The following CAPN9 variants were observed in gnomAD, a reference collection of about 807,000 sequenced individuals.
CAPN9 encodes the protein calpain-9.
CAPN9 carries 81 observed loss-of-function variants against 92.8 expected under a neutral mutation model. The observed-to-expected ratio is 0.87, with a 90% CI of 0.73 to 1.05. The LOEUF (loss-of-function observed/expected upper bound fraction) is 1.05, where lower values mean the gene tolerates loss of function less well. Ranked by LOEUF, CAPN9 falls within the 50% of genes least tolerant of loss-of-function variation. The pLI, the probability that CAPN9 is intolerant of heterozygous loss-of-function variation, is 0.00. For synonymous variants in CAPN9, 304 were observed against 328.0 expected, an observed-to-expected ratio of 0.93 and a Z score of 0.79; for missense variants, 848 against 866.2, an observed-to-expected ratio of 0.98 and a Z score of 0.26.
chr1:230,795,186 CT>C lies in CAPN9; in HGVS notation c.1895del (p.Leu632ArgfsTer3), dbSNP rs1269551316. On this transcript the variant is annotated frameshift_variant, in exon 18 of 20. Coordinates refer to ENST00000271971, the MANE Select transcript of CAPN9 (RefSeq NM_006615.3). LOFTEE classifies it high-confidence loss of function. ...AGGCTTTCAGCTGAGCAGCCACCTC[CT>C]GCAGCTGATTGTGCTCAGGTATGCG... ...AAGFQLSSHL[L>X]QLIVLRYADE... 3 of 1,612,354 alleles carry C rather than the reference CT, an allele frequency of 1.9e-6. No homozygotes were observed. The highest frequency in any genetic ancestry group is 2.5e-6 in the Non-Finnish European group (3 of 1,178,846).
chr1:230,753,540 T>C (rs548856977), intron 1 of CAPN9, among the ~76,000 whole-genome samples: 1 of 152,260 alleles, frequency 6.6e-6, no homozygotes, highest in African/African-American at 2.4e-5. Flanking sequence ...GGACACAAGA[T>C]GAGAGGAGAA....
intron 3 of CAPN9, among the ~76,000 whole-genome samples, chr1:230,761,904 C>A (rs542707033): frequency 6.6e-6 from 1 of 152,210 alleles, no homozygotes; most frequent in African/African-American, 2.4e-5. Context: ...CAAACACACA[C>A]GTGTGTAGAA....
rs754477882 is a variant in CAPN9 at position 230,792,416 on chromosome 1, C to T, written c.1723-10C>T. On this transcript the variant is annotated splice_polypyrimidine_tract_variant and intron_variant, in intron 15 of 19. Transcript: ENST00000271971. ...CACTGCTCATGTCTCCCTTAACCCACATGGCACAGACCAGCGGCAATGGGA... is the reference window on the plus strand; with the variant it reads ...CACTGCTCATGTCTCCCTTAACCCATATGGCACAGACCAGCGGCAATGGGA... 1.2e-6 allele frequency: 2 copies of T among 1,613,286 alleles called. No individual in the cohort carries two copies. The highest frequency in any genetic ancestry group is 1.7e-5 in the Admixed American group (1 of 60,022).
At chr1:230,770,376 CCCA>C (rs546565273) in intron 6 of CAPN9, among the ~76,000 whole-genome samples, 221 of 152,210 alleles carry the variant, frequency 1.5e-3, no homozygotes, top group African/African-American at 5.2e-3. Flanking sequence ...TGAGATGAGG[CCCA>C]CCTACACTGG....
rs1667117811 is a variant in CAPN9, at chr1:230,780,229, G to A, written c.1165G>A (p.Glu389Lys). The stretch of plus-strand genomic sequence containing the variant: ...AAAATTGTCTCTGACTGAGAAAGAT[G>A]AGGGGCAGGAGGAGTGTAGTTTCCT... The part of the protein sequence containing the change: ...QIKLSLTEKD[E>K]GQEECSFLVA... Residue 389 changes from glutamate (E) to lysine (K), a missense_variant, in exon 10 of 20, where the codon GAG becomes AAG. Coordinates refer to ENST00000271971, the MANE Select transcript of CAPN9 (RefSeq NM_006615.3). 6.2e-7 allele frequency: 1 copy of A among 1,613,854 alleles called. No individual in the cohort carries two copies.
chr1:230,781,160 C>A (rs114467508), intron 11 of CAPN9, among the ~76,000 whole-genome samples: 1 of 152,136 alleles, frequency 6.6e-6, no homozygotes, highest in Non-Finnish European at 1.5e-5. Flanking sequence ...TGAGCCACCA[C>A]GCCAGGCTGC....
In CAPN9 at chr1:230,759,638, G is replaced by T. The variant is rs985907434; in HGVS notation, c.402+8G>T. The T allele has an allele frequency of 5.1e-6, 8 of 1,583,928 alleles. No individual in the cohort carries two copies. Among genetic ancestry groups the T allele is most frequent in the Non-Finnish European group, 1.7e-6 (2 of 1,161,318 alleles). ...GGGATATTCCATTTCCAGGTAAGAG[G>T]GAGCCCTGGGCCAGTGGGTTTACCT... On this transcript the variant is annotated splice_region_variant and intron_variant, in intron 3 of 19. Coordinates refer to ENST00000271971, the MANE Select transcript of CAPN9 (RefSeq NM_006615.3).
intron 2 of CAPN9, among the ~76,000 whole-genome samples, chr1:230,758,460 C>T (rs1665397991): frequency 6.6e-6 from 1 of 152,202 alleles, no homozygotes; most frequent in African/African-American, 2.4e-5. Flanking sequence ...CCAGCAGATG[C>T]ATTAGAAACC....
intron 2 of CAPN9, among the ~76,000 whole-genome samples, chr1:230,756,232 G>C (rs1476583707): frequency 6.6e-6 from 1 of 152,084 alleles, no homozygotes; most frequent in South Asian, 2.1e-4. Context: ...GAGCAACTGA[G>C]CTATCCTAAA....
intron 4 of CAPN9, among the ~76,000 whole-genome samples, chr1:230,763,156 A>T (rs1454862605): frequency 6.6e-6 from 1 of 152,236 alleles, no homozygotes; most frequent in Non-Finnish European, 1.5e-5. Context: ...GCACGTTGAT[A>T]TAGAGACATC....
chr1:230,779,926 AT>A (rs567749217), intron 9 of CAPN9, among the ~76,000 whole-genome samples: 133 of 152,320 alleles, frequency 8.7e-4, no homozygotes, highest in African/African-American at 3.1e-3. Flanking sequence ...TGCATAGGAA[AT>A]GGTTGAAGAG....
At position 230,751,673 on chromosome 1, in the gene CAPN9, A is replaced by G. The variant is rs1350654075; in HGVS notation, c.214-3664A>G. 1.4e-3 allele frequency among the ~76,000 whole-genome samples: 64 copies of G among 44,640 alleles called. 3 individuals are homozygous for G. The highest frequency in any genetic ancestry group is 0.012 in the East Asian group (23 of 1,986). 29.3% of individuals were successfully genotyped at this position (44,640 alleles called of 152,430 possible). A position where few individuals can be genotyped will look rare whatever the true frequency, so the allele number is the denominator to read the frequency against. ...AAAGAAAGAAAGAAAGAAAGAAAGA[A>G]AGAAAGAAAGAAGGGTGGCTTTTCC... On this transcript the variant is annotated intron_variant, in intron 1 of 19. Transcript: ENST00000271971.
At chr1:230,756,099 A>G (rs984799363) in intron 2 of CAPN9, among the ~76,000 whole-genome samples, 1 of 151,786 alleles carries the variant, frequency 6.6e-6, no homozygotes, top group Non-Finnish European at 1.5e-5. Context: ...CTTTTAAAAA[A>G]TACCAGTGAA....
Position 230,755,367 on chromosome 1 carries a change from G to A in CAPN9, c.244G>A (p.Gly82Arg). Residue 82 changes from glycine (G) to arginine (R), a missense_variant, in exon 2 of 20, where the codon GGA becomes AGA. Physicochemically the swap from Gly to Arg is moderately radical, Grantham distance 125 (BLOSUM62 -2). Transcript: ENST00000271971. ...EIVKNPEFIL[G>R]GATRTDICQG... ...CGTGAAAAACCCAGAATTCATTCTT[G>A]GAGGGGCCACCAGGACTGATATCTG... 1 of 1,610,522 alleles carries A rather than the reference G, an allele frequency of 6.2e-7. No homozygotes were observed.
At chr1:230,783,702 A>C (rs1160269325) in intron 11 of CAPN9, among the ~76,000 whole-genome samples, 1 of 152,256 alleles carries the variant, frequency 6.6e-6, no homozygotes, top group African/African-American at 2.4e-5. Flanking sequence ...GTACAAGAAC[A>C]GCCTAATACA....
At chr1:230,763,196 T>G (rs995831115) in intron 4 of CAPN9, among the ~76,000 whole-genome samples, 3 of 152,216 alleles carry the variant, frequency 2.0e-5, no homozygotes, top group Admixed American at 6.5e-5. Context: ...TGCTTCTTTT[T>G]TATTTTTAAA....
chr1:230,786,010 T>A lies in CAPN9; in HGVS notation c.1511T>A (p.Leu504His). 1 of 1,614,030 alleles carries A rather than the reference T, an allele frequency of 6.2e-7. No individual in the cohort carries two copies. The highest frequency in any genetic ancestry group is 8.5e-7 in the Non-Finnish European group (1 of 1,179,862). The change falls in exon 12 of 20, where the codon CTT (leucine) becomes CAT (histidine). Residue 504 changes from leucine to histidine, a missense_variant. By Grantham distance (99) the Leu-to-His change is moderately conservative (BLOSUM62 -3). Transcript: ENST00000271971. ...ATGGATGGAAATGTAGACATTGACC[T>A]TCCTGAGGTGAGTCTTCTGATGTTG... ...RDMDGNVDIDLPEPPKPTPPD... is the reference protein window; with the variant it reads ...RDMDGNVDIDHPEPPKPTPPD...
chr1:230,766,491 A>G (rs906641750), intron 4 of CAPN9, among the ~76,000 whole-genome samples: 4 of 152,170 alleles, frequency 2.6e-5, no homozygotes, highest in African/African-American at 4.8e-5. Context: ...ATCCTGCAGT[A>G]TGCCTGCCCA....
chr1:230,755,263 G>A, intron 1 of CAPN9, 74 bp from the exon 2 acceptor site: 1 of 1,192,736 alleles, frequency 8.4e-7, no homozygotes, highest in Non-Finnish European at 1.2e-6. Flanking sequence ...AAAGCAGAGA[G>A]ACCCTGAGCC....
Sources: allele counts gnomAD v4.1 joint callset (sites outside exome capture counted in the v4.1 genomes callset), GRCh38; gene constraint gnomAD v4.1.1; transcripts MANE v1.5; gene names NCBI Gene and HGNC (gene_info 2026-07-23, HGNC 2026-07-21).